Variants in NPSR1 observed in about 807,000 individuals in gnomAD.
NPSR1 encodes neuropeptide S receptor.
In NPSR1, 48 loss-of-function variants were observed where a neutral mutation model predicts 46.9. The ratio of observed to expected loss-of-function variants is 1.02; its 90% confidence interval spans 0.81 to 1.30. The LOEUF (loss-of-function observed/expected upper bound fraction) is 1.30, where lower values mean the gene tolerates loss of function less well. Ranked by LOEUF, NPSR1 falls within the 50% of genes most tolerant of loss-of-function variation. NPSR1 has a pLI of 0.00. For missense variants in NPSR1, 450 were observed against 449.5 expected, an observed-to-expected ratio of 1.00 and a Z score of -0.01; for synonymous variants, 176 against 168.1, an observed-to-expected ratio of 1.05 and a Z score of -0.36.
At chr7:34,723,992 C>A (rs1167574077) in intron 2 of NPSR1, among the ~76,000 whole-genome samples, 1 of 152,128 alleles carries the variant, frequency 6.6e-6, no homozygotes, top group Non-Finnish European at 1.5e-5. Flanking sequence ...TTTGGTTGAA[C>A]CGAAACCCAT....
chr7:34,794,363 T>C (rs994668961), intron 3 of NPSR1, among the ~76,000 whole-genome samples: 1 of 152,046 alleles, frequency 6.6e-6, no homozygotes. Context: ...TCTGGCTCAA[T>C]TGAAAATAAA....
intron 8 of NPSR1, among the ~76,000 whole-genome samples, chr7:34,857,671 T>C (rs894929229): frequency 1.1e-4 from 16 of 151,774 alleles, no homozygotes; most frequent in South Asian, 4.1e-4. Context: ...CACAAAACAC[T>C]GTACTCATGA....
Position 34,872,517 on chromosome 7 carries a change from A to G in NPSR1, c.1026-5559A>G, listed in dbSNP as rs75537331. Among the ~76,000 whole-genome samples the G allele has an allele frequency of 1.3e-4, 19 of 151,988 alleles. 1 individual carries two copies. In the East Asian group the frequency reaches 3.7e-3, roughly 29 times the overall value. On this transcript the variant is annotated intron_variant, in intron 8 of 8. Coordinates refer to the NPSR1 transcript ENST00000359791. ...TGAAAATGATTTTCTTTCCTGCTAC[A>G]TGGCCTGTTTATTAGTCCATTTTCA...
At chr7:34,736,422 TC>T (rs1317687178) in intron 2 of NPSR1, among the ~76,000 whole-genome samples, 1 of 151,910 alleles carries the variant, frequency 6.6e-6, no homozygotes, top group Non-Finnish European at 1.5e-5. Context: ...CTTTTGCACA[TC>T]CTCAACTTCC....
chr7:34,790,784 T>TTATATATAATATATGTTATATGTTA (rs1787734332), intron 3 of NPSR1, among the ~76,000 whole-genome samples: 1 of 127,576 alleles, frequency 7.8e-6, no homozygotes, highest in Admixed American at 8.3e-5. Context: ...ATGTTATATG[T>TTATATATAATATATGTTATATGTTA]TATATATATG....
chr7:34,690,580 C>T (rs2128689214), intron 2 of NPSR1, among the ~76,000 whole-genome samples: 1 of 151,992 alleles, frequency 6.6e-6, no homozygotes, highest in Middle Eastern at 3.4e-3. Flanking sequence ...GAAGGAAAAA[C>T]AAAATAAAAG....
chr7:34,864,326 C>G (rs960460664), intron 8 of NPSR1, among the ~76,000 whole-genome samples: 1 of 148,634 alleles, frequency 6.7e-6, no homozygotes, highest in African/African-American at 2.5e-5. Context: ...ACCTATGTAA[C>G]AAACCTGCAC....
At chr7:34,808,001 A>C (rs186904513) in intron 3 of NPSR1, among the ~76,000 whole-genome samples, 169 of 152,230 alleles carry the variant, frequency 1.1e-3, no homozygotes, top group African/African-American at 3.9e-3. Flanking sequence ...AAAGATCTTA[A>C]AACTGGGAGA....
intron 1 of NPSR1, among the ~76,000 whole-genome samples, chr7:34,680,020 A>G (rs1452300887): frequency 6.6e-6 from 1 of 152,152 alleles, no homozygotes; most frequent in African/African-American, 2.4e-5. Flanking sequence ...AAAGAATTGC[A>G]TAGCAAATAT....
At chr7:34,854,579 G>A (rs764361828), downstream of NPSR1, among the ~76,000 whole-genome samples, 11 of 152,152 alleles carry the variant, frequency 7.2e-5, no homozygotes, top group East Asian at 1.9e-4. Flanking sequence ...GGGACACTTC[G>A]TAATGATAAA....
At chr7:34,825,261 G>C in intron 4 of NPSR1, among the ~76,000 whole-genome samples, 1 of 152,170 alleles carries the variant, frequency 6.6e-6, no homozygotes, top group Non-Finnish European at 1.5e-5. Context: ...CTCCCCATAT[G>C]TCTGTGCCCA....
At chr7:34,725,566 T>C (rs1462810855) in intron 2 of NPSR1, among the ~76,000 whole-genome samples, 1 of 152,186 alleles carries the variant, frequency 6.6e-6, no homozygotes, top group Non-Finnish European at 1.5e-5. Context: ...ACAGCCCTCA[T>C]ACAGAACTGC....
At chr7:34,861,148 C>T (rs1791183829) in intron 8 of NPSR1, among the ~76,000 whole-genome samples, 1 of 151,902 alleles carries the variant, frequency 6.6e-6, no homozygotes, top group African/African-American at 2.4e-5. Context: ...AAGCCCAATG[C>T]CCTACTCACA....
At chr7:34,716,695 C>A (rs1189844765) in intron 2 of NPSR1, among the ~76,000 whole-genome samples, 1 of 152,066 alleles carries the variant, frequency 6.6e-6, no homozygotes, top group Admixed American at 6.5e-5. Flanking sequence ...AAACCGCTGG[C>A]CAGGTATCCC....
chr7:34,742,429 C>T (rs1784990994), intron 2 of NPSR1, among the ~76,000 whole-genome samples: 2 of 152,184 alleles, frequency 1.3e-5, no homozygotes, highest in Admixed American at 1.3e-4. Context: ...ATTTCGTTTT[C>T]TGTTCCTGCA....
chr7:34,821,303 G>A (rs1010724754), intron 4 of NPSR1, among the ~76,000 whole-genome samples: 4 of 151,772 alleles, frequency 2.6e-5, no homozygotes, highest in African/African-American at 9.7e-5. Flanking sequence ...CCTAATTTTT[G>A]TATTTTAGTA....
rs146316325 is a variant in NPSR1 at position 34,837,969 on chromosome 7, G to T, written c.757+3509G>T. Reference sequence around the variant, plus strand: ...TCTTCCTGTACTTTCAGACGAATCAGATTGGTGTAAACCCCTGTCTTGTGG... The same window carrying T: ...TCTTCCTGTACTTTCAGACGAATCATATTGGTGTAAACCCCTGTCTTGTGG... On this transcript the variant is annotated intron_variant, in intron 6 of 8. Coordinates refer to ENST00000360581, the MANE Select transcript of NPSR1 (RefSeq NM_207172.2). Among the ~76,000 whole-genome samples the T allele has an allele frequency of 1.4e-4, 21 of 152,288 alleles. No homozygotes were observed. The East Asian group carries it at 4.1e-3, about 29-fold the overall frequency.
chr7:34,798,249 G>A (rs1030958058), intron 3 of NPSR1, among the ~76,000 whole-genome samples: 12 of 152,108 alleles, frequency 7.9e-5, no homozygotes, highest in Admixed American at 3.9e-4. Flanking sequence ...TAAAAGAGAT[G>A]CAGCCCAGGC....
intron 3 of NPSR1, among the ~76,000 whole-genome samples, chr7:34,801,785 GT>G (rs1788428405): frequency 6.7e-6 from 1 of 149,018 alleles, no homozygotes; most frequent in African/African-American, 2.6e-5. Context: ...AATTGTCCCT[GT>G]TTGCAGATGA....
Sources: gnomAD v4.1 joint callset for allele counts (sites outside exome capture counted in the v4.1 genomes callset) on GRCh38, gnomAD v4.1.1 for gene constraint, MANE v1.5 for transcripts, NCBI Gene and HGNC (gene_info 2026-07-23, HGNC 2026-07-21) for gene names.